DKK2: variants seen among roughly 807,000 people sequenced by gnomAD.
The protein encoded by DKK2 is dickkopf Wnt signaling pathway inhibitor 2, also known as dickkopf-related protein 2.
In DKK2, 11 loss-of-function variants were observed where a neutral mutation model predicts 28.1. The ratio of observed to expected loss-of-function variants is 0.39; its 90% CI spans 0.25 to 0.65. DKK2 has a LOEUF of 0.65. DKK2 is among the 30% of genes least tolerant of loss of function. The probability of loss-of-function intolerance (pLI) is 0.47; values close to 1 mark genes in which losing one functional copy is unlikely to be tolerated. For synonymous variants in DKK2, 135 were observed against 126.5 expected (o/e 1.07, Z -0.45); for missense variants, 326 against 335.5 (o/e 0.97, Z 0.22).
chr4:107,018,092 A>G (rs1303852035), intron 1 of DKK2, among the ~76,000 whole-genome samples: 1 of 152,096 alleles, frequency 6.6e-6, no homozygotes, highest in Non-Finnish European at 1.5e-5. Flanking sequence ...CCAGACTCTT[A>G]GAACACACCA....
chr4:106,962,552 T>TGA (rs961463591), intron 1 of DKK2, among the ~76,000 whole-genome samples: 99 of 120,520 alleles, frequency 8.2e-4, no homozygotes, highest in East Asian at 5.1e-4. Flanking sequence ...TGTGTGTGTG[T>TGA]GAATGCAGAA....
chr4:107,021,091 CT>C (rs1387081132), intron 1 of DKK2, among the ~76,000 whole-genome samples: 2 of 151,918 alleles, frequency 1.3e-5, no homozygotes. Context: ...GGTTTTCCAC[CT>C]TAAAGCAATT....
intron 1 of DKK2, among the ~76,000 whole-genome samples, chr4:107,028,550 T>C (rs1482525539): frequency 6.6e-6 from 1 of 152,178 alleles, no homozygotes; most frequent in Non-Finnish European, 1.5e-5. Flanking sequence ...ATCCCTATTT[T>C]ATGGGTATAC....
intron 1 of DKK2, among the ~76,000 whole-genome samples, chr4:106,985,864 A>G (rs897816123): frequency 1.3e-5 from 2 of 151,888 alleles, no homozygotes; most frequent in Admixed American, 1.3e-4. Flanking sequence ...AAAAAAAATA[A>G]GACAGGAAGG....
chr4:106,986,179 C>T (rs573700847), intron 1 of DKK2, among the ~76,000 whole-genome samples: 63 of 152,290 alleles, frequency 4.1e-4, no homozygotes, highest in African/African-American at 1.5e-3. Flanking sequence ...GTTTTGACAG[C>T]CACTGTATTT....
At position 106,924,449 on chromosome 4, in the gene DKK2, C is replaced by T. The variant is rs577559877; in HGVS notation, c.529+96G>A. The T allele has an allele frequency of 4.9e-5, 71 of 1,444,472 alleles. 2 individuals carry two copies. In the South Asian group the frequency reaches 9.8e-4, roughly 20 times the overall value. 89.5% of individuals were successfully genotyped at this position (1,444,472 alleles called of 1,614,324 possible). On this transcript the variant is annotated intron_variant, in intron 3 of 3. Coordinates refer to ENST00000285311, the MANE Select transcript of DKK2 (RefSeq NM_014421.3). ...TGACTAGCTAGGATTAAAGAAACTT[C>T]CTTGTAATTTTTTCTAAAACCAATG...
chr4:107,004,204 A>T (rs1385709305), intron 1 of DKK2, among the ~76,000 whole-genome samples: 3 of 152,140 alleles, frequency 2.0e-5, no homozygotes, highest in African/African-American at 7.2e-5. Flanking sequence ...CTCATTTTCA[A>T]AGTGCTTCTC....
At chr4:106,929,811 CAGT>C (rs1578345471) in intron 1 of DKK2, among the ~76,000 whole-genome samples, 1 of 152,050 alleles carries the variant, frequency 6.6e-6, no homozygotes. Flanking sequence ...AAAATTTTAG[CAGT>C]AAAGTAAAGA....
At chr4:106,973,312 A>G (rs1722896096) in intron 1 of DKK2, among the ~76,000 whole-genome samples, 1 of 152,204 alleles carries the variant, frequency 6.6e-6, no homozygotes, top group Admixed American at 6.5e-5. Context: ...GAATCACCAC[A>G]CTGTCTTCCA....
intron 1 of DKK2, among the ~76,000 whole-genome samples, chr4:107,033,390 TA>T (rs1223141202): frequency 6.6e-6 from 1 of 152,164 alleles, no homozygotes; most frequent in African/African-American, 2.4e-5. Flanking sequence ...GAAGCATAAT[TA>T]AGTAGCTATT....
At chr4:106,964,574 A>G (rs1722738825) in intron 1 of DKK2, among the ~76,000 whole-genome samples, 1 of 152,214 alleles carries the variant, frequency 6.6e-6, no homozygotes, top group Non-Finnish European at 1.5e-5. Flanking sequence ...GTAATTCTGA[A>G]TTGAGCATTA....
At chr4:106,964,603 CA>C (rs1357538618) in intron 1 of DKK2, among the ~76,000 whole-genome samples, 1 of 152,072 alleles carries the variant, frequency 6.6e-6, no homozygotes, top group Middle Eastern at 3.2e-3. Flanking sequence ...ATGCTTGTAT[CA>C]AAATATCACA....
At chr4:106,990,478 G>A (rs1723187930) in intron 1 of DKK2, among the ~76,000 whole-genome samples, 1 of 152,192 alleles carries the variant, frequency 6.6e-6, no homozygotes, top group Admixed American at 6.5e-5. Flanking sequence ...ACCAAGTACA[G>A]AGGGAAACAA....
intron 1 of DKK2, among the ~76,000 whole-genome samples, chr4:106,973,327 G>A (rs553787741): frequency 1.3e-3 from 203 of 152,272 alleles, no homozygotes; most frequent in African/African-American, 4.6e-3. Context: ...CTTCCACAAT[G>A]GTTGAACTAA....
intron 1 of DKK2, among the ~76,000 whole-genome samples, chr4:107,028,816 A>G (rs1433690877): frequency 3.3e-5 from 5 of 152,264 alleles, no homozygotes; most frequent in African/African-American, 1.2e-4. Flanking sequence ...AAGCCATTGC[A>G]GAGAAACCAT....
At chr4:106,929,853 A>G (rs968617306) in intron 1 of DKK2, among the ~76,000 whole-genome samples, 3 of 152,198 alleles carry the variant, frequency 2.0e-5, no homozygotes. Context: ...GAAATAAGTA[A>G]TGTGTGCTCA....
At chr4:107,011,432 T>C (rs1439729043) in intron 1 of DKK2, among the ~76,000 whole-genome samples, 1 of 151,604 alleles carries the variant, frequency 6.6e-6, no homozygotes, top group African/African-American at 2.4e-5. Context: ...ACTTGCTAAA[T>C]AATTCAGTAT....
At chr4:107,034,774 G>T (rs151327207) in intron 1 of DKK2, among the ~76,000 whole-genome samples, 294 of 152,240 alleles carry the variant, frequency 1.9e-3, no homozygotes, top group African/African-American at 6.6e-3. Flanking sequence ...ACCCTGAAAA[G>T]GAGTAATGTC....
chr4:107,006,825 T>A (rs559415691), intron 1 of DKK2, among the ~76,000 whole-genome samples: 1 of 152,332 alleles, frequency 6.6e-6, no homozygotes, highest in South Asian at 2.1e-4. Flanking sequence ...AATATTGTTC[T>A]CAATTTTTGA....
Sources: gnomAD v4.1 joint callset for allele counts (sites outside exome capture counted in the v4.1 genomes callset) on GRCh38, gnomAD v4.1.1 for gene constraint, MANE v1.5 for transcripts, NCBI Gene and HGNC (gene_info 2026-07-23, HGNC 2026-07-21) for gene names.